Variants in DSCAM observed in about 807,000 individuals in gnomAD.
DSCAM encodes the protein cell adhesion molecule DSCAM.
In DSCAM, 47 loss-of-function variants were observed where a neutral mutation model predicts 217.7. The observed-to-expected ratio is 0.22, with a 90% confidence interval of 0.17 to 0.28. The LOEUF is 0.28. Among genes scored for constraint, DSCAM ranks in the 10% least tolerant of loss-of-function variants. DSCAM has a pLI of 1.00. For missense variants in DSCAM, 2,080 were observed against 2,618.3 expected, an observed-to-expected ratio of 0.79 and a Z score of 4.49; for synonymous variants, 1,056 against 1,015.3, an observed-to-expected ratio of 1.04 and a Z score of -0.76.
chr21:40,464,107 G>C (rs1432670454), intron 3 of DSCAM, among the ~76,000 whole-genome samples: 1 of 152,128 alleles, frequency 6.6e-6, no homozygotes, highest in East Asian at 1.9e-4. Context: ...ATCCACATAT[G>C]AATTTCTCCC....
At chr21:40,554,118 T>C (rs9983654) in intron 3 of DSCAM, among the ~76,000 whole-genome samples, 68,095 of 151,602 alleles carry the variant, frequency 0.45, 16,569 homozygotes, top group Admixed American at 0.55. Context: ...ACAATCCTCC[T>C]GCCTCAGTGT....
chr21:40,075,810 G>C (rs576950998), intron 26 of DSCAM, among the ~76,000 whole-genome samples: 59 of 152,266 alleles, frequency 3.9e-4, no homozygotes, highest in African/African-American at 1.4e-3. Flanking sequence ...GTTTCTAAAG[G>C]AGCCTACTTT....
intron 10 of DSCAM, among the ~76,000 whole-genome samples, chr21:40,284,915 G>C (rs1009109678): frequency 6.6e-6 from 1 of 152,172 alleles, no homozygotes; most frequent in Admixed American, 6.5e-5. Context: ...GTTGAAGAAG[G>C]CTATCCAATG....
chr21:40,552,287 T>G (rs969498023), intron 3 of DSCAM, among the ~76,000 whole-genome samples: 2 of 151,050 alleles, frequency 1.3e-5, no homozygotes, highest in Non-Finnish European at 2.9e-5. Context: ...ATACTCCAGC[T>G]TGGGCAACAG....
At chr21:40,457,961 G>C (rs2075777013) in intron 3 of DSCAM, among the ~76,000 whole-genome samples, 1 of 152,082 alleles carries the variant, frequency 6.6e-6, no homozygotes, top group African/African-American at 2.4e-5. Context: ...CATATACTCA[G>C]CAATAAACAT....
chr21:40,447,377 TG>T (rs1369366596), intron 3 of DSCAM, among the ~76,000 whole-genome samples: 1 of 152,220 alleles, frequency 6.6e-6, no homozygotes, highest in Non-Finnish European at 1.5e-5. Context: ...ATGTACTTAT[TG>T]TATTTTTCAC....
chr21:40,256,857 C>G (rs2073379239), intron 11 of DSCAM, among the ~76,000 whole-genome samples: 1 of 152,192 alleles, frequency 6.6e-6, no homozygotes, highest in Admixed American at 6.5e-5. Flanking sequence ...CCATGCACGT[C>G]TGCTTACACC....
chr21:40,169,857 A>G (rs992238537), intron 15 of DSCAM, among the ~76,000 whole-genome samples: 2 of 151,932 alleles, frequency 1.3e-5, no homozygotes, highest in African/African-American at 4.8e-5. Flanking sequence ...CCCCTGTCCT[A>G]TGCTTTCTCC....
At chr21:40,434,852 A>T (rs1263569379) in intron 3 of DSCAM, among the ~76,000 whole-genome samples, 1 of 152,194 alleles carries the variant, frequency 6.6e-6, no homozygotes, top group Non-Finnish European at 1.5e-5. Flanking sequence ...GATATCTACA[A>T]GACCCATTTC....
At chr21:40,442,842 A>G (rs1399100083) in intron 3 of DSCAM, among the ~76,000 whole-genome samples, 2 of 152,100 alleles carry the variant, frequency 1.3e-5, no homozygotes, top group African/African-American at 4.8e-5. Flanking sequence ...TAGACTCTCC[A>G]ACTGGAACAT....
chr21:40,381,839 A>C (rs2075029313), intron 3 of DSCAM, among the ~76,000 whole-genome samples: 1 of 152,244 alleles, frequency 6.6e-6, no homozygotes, highest in African/African-American at 2.4e-5. Flanking sequence ...AAAAAATGAA[A>C]TAAAAGAGCA....
At chr21:40,781,870 T>C (rs1207642059) in intron 1 of DSCAM, among the ~76,000 whole-genome samples, 4 of 151,504 alleles carry the variant, frequency 2.6e-5, no homozygotes, top group Non-Finnish European at 5.9e-5. Context: ...TTCTCTTGGC[T>C]GGGCGCGGTG....
At chr21:40,395,024 A>G (rs971574374) in intron 3 of DSCAM, among the ~76,000 whole-genome samples, 2 of 152,224 alleles carry the variant, frequency 1.3e-5, no homozygotes, top group African/African-American at 4.8e-5. Flanking sequence ...GAGTGGTCAA[A>G]CAATGTCGTT....
chr21:40,610,076 G>A (rs1401222483), intron 3 of DSCAM, among the ~76,000 whole-genome samples: 2 of 152,188 alleles, frequency 1.3e-5, no homozygotes, highest in South Asian at 2.1e-4. Flanking sequence ...AAACAAGCAC[G>A]GGGCTTGGGA....
intron 16 of DSCAM, among the ~76,000 whole-genome samples, chr21:40,155,615 A>G (rs984627938): frequency 4.6e-5 from 7 of 152,136 alleles, no homozygotes; most frequent in South Asian, 2.1e-4. Context: ...TCATGGGGCC[A>G]TGAAAAATGC....
At position 40,453,081 on chromosome 21, in the gene DSCAM, TGTGTGTGTGTGA is replaced by T. The variant is rs1191528301; in HGVS notation, c.509-83848_509-83837del. 6.6e-4 allele frequency among the ~76,000 whole-genome samples: 83 copies of T among 125,858 alleles called. 1 individual carries two copies. The highest frequency in any genetic ancestry group is 4.2e-3 in the Middle Eastern group (1 of 240). 82.6% of individuals were successfully genotyped at this position (125,858 alleles called of 152,430 possible). The stretch of plus-strand genomic sequence containing the variant: ...GTGTGTGTGTGTGTGTGTGTGTGTG[TGTGTGTGTGTGA>T]GATATATGTGTATATCTACACATAC... On this transcript the variant is annotated intron_variant, in intron 3 of 32. Transcript: ENST00000400454.
chr21:40,223,546 CT>C (rs5844007), intron 11 of DSCAM, among the ~76,000 whole-genome samples: 80,338 of 151,896 alleles, frequency 0.53, 22,723 homozygotes, highest in African/African-American at 0.74. Flanking sequence ...TCTAAGTTAC[CT>C]TTTTTTTCTA....
rs1361708853 is a variant in DSCAM, at chr21:40,288,796, G to C, written c.2182+7259C>G. ...AGAAGCCATAATAAATGCTTTCTAT[G>C]AGTCATCTTACTAAATCATCACATT... On this transcript the variant is annotated intron_variant, in intron 10 of 32. Transcript: ENST00000400454. Among the ~76,000 whole-genome samples the C allele has an allele frequency of 2.6e-5, 4 of 152,258 alleles. No homozygotes were observed. In the East Asian group the frequency reaches 7.7e-4, roughly 29 times the overall value.
chr21:40,591,778 G>A (rs556456901), intron 3 of DSCAM, among the ~76,000 whole-genome samples: 6 of 152,242 alleles, frequency 3.9e-5, no homozygotes, highest in East Asian at 3.9e-4. Flanking sequence ...CCAAGTATAC[G>A]TTGGCAATAC....
Sources: gnomAD v4.1 joint callset for allele counts (sites outside exome capture counted in the v4.1 genomes callset) on GRCh38, gnomAD v4.1.1 for gene constraint, MANE v1.5 for transcripts, NCBI Gene and HGNC (gene_info 2026-07-23, HGNC 2026-07-21) for gene names.